Variants in ZNF141 observed in about 807,000 individuals in gnomAD.
The protein encoded by ZNF141 is zinc finger protein 141.
In ZNF141, 7 loss-of-function variants were observed where a neutral mutation model predicts 11.3. The observed-to-expected ratio is 0.62, with a 90% CI of 0.35 to 1.16. The LOEUF is 1.16. ZNF141 is among the 50% of genes most tolerant of loss of function. The pLI is 0.02. For missense variants in ZNF141, 535 were observed against 554.0 expected (o/e 0.97, Z 0.34); for synonymous variants, 183 against 190.7 (o/e 0.96, Z 0.33).
rs188715540 is a variant in ZNF141, at chr4:351,665, T to C, written c.226+7235T>C. The stretch of plus-strand genomic sequence containing the variant: ...CCACTGAGTTCTTTTTATATAAAAC[T>C]AAGTGAATAACCTTGACTGGGAATC... On this transcript the variant is annotated intron_variant, in intron 3 of 3. Coordinates refer to ENST00000240499, the MANE Select transcript of ZNF141 (RefSeq NM_003441.4). 1.5e-4 allele frequency among the ~76,000 whole-genome samples: 23 copies of C among 152,346 alleles called. No homozygotes were observed. The East Asian group carries it at 2.7e-3, about 18-fold the overall frequency.
chr4:366,897 AC>A (rs1711770259), intron 3 of ZNF141, among the ~76,000 whole-genome samples: 1 of 150,664 alleles, frequency 6.6e-6, no homozygotes, highest in South Asian at 2.1e-4. Flanking sequence ...TGAGCTCTGG[AC>A]CTCAGGTAAT....
chr4:350,646 T>C (rs1721552643), intron 3 of ZNF141, among the ~76,000 whole-genome samples: 2 of 152,344 alleles, frequency 1.3e-5, no homozygotes, highest in South Asian at 2.1e-4. Flanking sequence ...GGGAGATGAT[T>C]GGATCGTAGG....
rs1392881643 is a variant in ZNF141, at chr4:375,587, A to T, written c.*1725A>T. Among the ~76,000 whole-genome samples, 1 of 152,098 alleles carries T rather than the reference A, an allele frequency of 6.6e-6. No individual in the cohort carries two copies. The highest frequency in any genetic ancestry group is 1.5e-5 in the Non-Finnish European group (1 of 67,920). ...CAGTAAATCAGAGTATTAAGTATTA[A>T]AAAAATCCAAAGTTGAACCTATTAG... On this transcript the variant is annotated 3_prime_UTR_variant, in exon 4 of 4. Transcript: ENST00000240499.
chr4:340,938 GCTT>G (rs1241093108), intron 1 of ZNF141, among the ~76,000 whole-genome samples: 3 of 152,226 alleles, frequency 2.0e-5, no homozygotes, highest in East Asian at 3.9e-4. Flanking sequence ...ACTTGTAACT[GCTT>G]CTAATTGGAG....
intron 3 of ZNF141, among the ~76,000 whole-genome samples, chr4:346,232 C>T (rs1269481736): frequency 6.6e-6 from 1 of 152,168 alleles, no homozygotes; most frequent in African/African-American, 2.4e-5. Context: ...CATATAGCAA[C>T]ATTATTTCAT....
chr4:348,839 T>C (rs1721461494), intron 3 of ZNF141, among the ~76,000 whole-genome samples: 1 of 152,160 alleles, frequency 6.6e-6, no homozygotes, highest in Admixed American at 6.6e-5. Context: ...ACAATTGTGT[T>C]TTCTATTAGT....
At chr4:350,051 G>T (rs1721518394) in intron 3 of ZNF141, 1 of 485,084 alleles carries the variant, frequency 2.1e-6, no homozygotes, top group Non-Finnish European at 4.3e-6. Flanking sequence ...TGCCTCCAGG[G>T]CCATGGCTGG....
rs1237956201 is a variant in ZNF141, at chr4:378,484, G to A, written c.*4622G>A. ...GGGGTTTCACCATGTTGGCCAGGATGGTCTCGATCTTTTGACCTCATGATC... is the reference window on the plus strand; with the variant it reads ...GGGGTTTCACCATGTTGGCCAGGATAGTCTCGATCTTTTGACCTCATGATC... On this transcript the variant is annotated 3_prime_UTR_variant, in exon 4 of 4. Transcript: ENST00000240499. Among the ~76,000 whole-genome samples, 3 of 152,026 alleles carry A rather than the reference G, an allele frequency of 2.0e-5. No homozygotes were observed. The highest frequency in any genetic ancestry group is 7.2e-5 in the African/African-American group (3 of 41,380).
At chr4:358,782 G>T (rs1721972908) in intron 3 of ZNF141, among the ~76,000 whole-genome samples, 1 of 151,826 alleles carries the variant, frequency 6.6e-6, no homozygotes, top group South Asian at 2.1e-4. Context: ...CACCATGTTG[G>T]CCAGGATGGT....
rs1395192203 is a variant in ZNF141 at position 377,325 on chromosome 4, G to C, written c.*3463G>C. On this transcript the variant is annotated 3_prime_UTR_variant, in exon 4 of 4. Transcript: ENST00000240499. The stretch of plus-strand genomic sequence containing the variant: ...TAAATATTCCTGGAGTTAGTTTGTA[G>C]CTCCAAGTAAGAGATTGAAAATAAT... Among the ~76,000 whole-genome samples the C allele has an allele frequency of 6.6e-6, 1 of 152,200 alleles. No homozygotes were observed. Among genetic ancestry groups the C allele is most frequent in the African/African-American group, 2.4e-5 (1 of 41,448 alleles).
chr4:346,078 CTTAT>C (rs1184649412), intron 3 of ZNF141, among the ~76,000 whole-genome samples: 2 of 152,144 alleles, frequency 1.3e-5, no homozygotes, highest in African/African-American at 4.8e-5. Flanking sequence ...ACCTATATAA[CTTAT>C]TTAAGTGTGT....
At chr4:341,210 G>A (rs556801469) in intron 1 of ZNF141, among the ~76,000 whole-genome samples, 49 of 152,092 alleles carry the variant, frequency 3.2e-4, no homozygotes, top group Non-Finnish European at 6.2e-4. Context: ...ACAGGCGCAC[G>A]CCACCATGCC....
In ZNF141 at chr4:344,328, A is replaced by G. The variant is rs1553849121; in HGVS notation, c.131-7A>G. ...GTCATGTTATTATTTTTTTTAAAATAAAACAGGTGTTGCTATCTCTAACCC... is the reference window on the plus strand; with the variant it reads ...GTCATGTTATTATTTTTTTTAAAATGAAACAGGTGTTGCTATCTCTAACCC... On this transcript the variant is annotated splice_polypyrimidine_tract_variant and splice_region_variant and intron_variant, in intron 2 of 3. Transcript: ENST00000240499. 4 of 1,604,666 alleles carry G rather than the reference A, an allele frequency of 2.5e-6. No individual in the cohort carries two copies. Among genetic ancestry groups the G allele is most frequent in the Non-Finnish European group, 8.5e-7 (1 of 1,173,608 alleles).
intron 3 of ZNF141, among the ~76,000 whole-genome samples, chr4:361,579 T>G (rs1183429268): frequency 6.6e-6 from 1 of 152,100 alleles, no homozygotes; most frequent in African/African-American, 2.4e-5. Context: ...ACCCTGTGTT[T>G]GAGTGTTCTC....
chr4:345,729 C>CAAAAAAAAA (rs1321182710), intron 3 of ZNF141, among the ~76,000 whole-genome samples: 3 of 64,616 alleles, frequency 4.6e-5, no homozygotes, highest in Non-Finnish European at 9.8e-5. Flanking sequence ...ACTCTGTCTC[C>CAAAAAAAAA]AAAAAAAAAA....
At position 374,469 on chromosome 4, in the gene ZNF141, T is replaced by C. The variant is rs3805233; in HGVS notation, c.*607T>C. On this transcript the variant is annotated 3_prime_UTR_variant, in exon 4 of 4. Coordinates refer to ENST00000240499, the MANE Select transcript of ZNF141 (RefSeq NM_003441.4). ...AGAGAAACCCTACACATGTAAAGAA[T>C]GTGGCAAAGCCTTCAATAGGTTCTC... 0.18 allele frequency: 55,335 copies of C among 314,188 alleles called. 5,840 individuals are homozygous for C. The highest frequency in any genetic ancestry group is 0.21 in the Non-Finnish European group (32,073 of 152,250). 19.5% of individuals were successfully genotyped at this position (314,188 alleles called of 1,614,324 possible). A position where few individuals can be genotyped will look rare whatever the true frequency, so the allele number is the denominator to read the frequency against.
intron 3 of ZNF141, among the ~76,000 whole-genome samples, chr4:353,179 C>T (rs532852859): frequency 1.3e-5 from 2 of 152,062 alleles, no homozygotes; most frequent in Non-Finnish European, 2.9e-5. Flanking sequence ...TCAGCACCAG[C>T]CTGGGCAACC....
At chr4:346,738 G>C (rs1013414401) in intron 3 of ZNF141, among the ~76,000 whole-genome samples, 1 of 151,844 alleles carries the variant, frequency 6.6e-6, no homozygotes, top group African/African-American at 2.4e-5. Flanking sequence ...TTCCGTGTTT[G>C]GCTTATTTCA....
At position 377,741 on chromosome 4, in the gene ZNF141, A is replaced by G. The variant is rs1712436998; in HGVS notation, c.*3879A>G. On this transcript the variant is annotated 3_prime_UTR_variant, in exon 4 of 4. Coordinates refer to ENST00000240499, the MANE Select transcript of ZNF141 (RefSeq NM_003441.4). ...TAAAAGAAAAATTGTATGAGATTCTATCATAAAGTGTGTAAAATGTAACAA... is the reference window on the plus strand; with the variant it reads ...TAAAAGAAAAATTGTATGAGATTCTGTCATAAAGTGTGTAAAATGTAACAA... 1.3e-5 allele frequency among the ~76,000 whole-genome samples: 2 copies of G among 152,240 alleles called. No homozygotes were observed. The highest frequency in any genetic ancestry group is 4.8e-5 in the African/African-American group (2 of 41,464).
Sources: allele counts gnomAD v4.1 joint callset (sites outside exome capture counted in the v4.1 genomes callset), GRCh38; gene constraint gnomAD v4.1.1; transcripts MANE v1.5; gene names NCBI Gene and HGNC (gene_info 2026-07-23, HGNC 2026-07-21).